The following TMEM232 variants were observed in gnomAD, a reference collection of about 807,000 sequenced individuals.
TMEM232 encodes transmembrane protein 232.
Under a neutral mutation model 78.8 loss-of-function variants are expected in TMEM232, and 80 were observed. The ratio of observed to expected loss-of-function variants is 1.01; its 90% CI spans 0.85 to 1.22. The LOEUF (loss-of-function observed/expected upper bound fraction) is 1.22. TMEM232 is among the 50% of genes most tolerant of loss of function. The pLI is 0.00. For synonymous variants in TMEM232, 297 were observed against 254.3 expected (o/e 1.17, Z -1.60); for missense variants, 881 against 742.2 (o/e 1.19, Z -2.17).
chr5:110,692,211 C>T (rs535121015), intron 1 of TMEM232, among the ~76,000 whole-genome samples: 1 of 152,308 alleles, frequency 6.6e-6, no homozygotes, highest in Admixed American at 6.5e-5. Context: ...TCAGCCACGA[C>T]GCCCGGCCAC....
intron 12 of TMEM232, among the ~76,000 whole-genome samples, chr5:110,461,476 G>A (rs1389207667): frequency 6.6e-6 from 1 of 152,168 alleles, no homozygotes; most frequent in Non-Finnish European, 1.5e-5. Context: ...AACAGTGCAA[G>A]GTGAAGCGGC....
In TMEM232 at chr5:110,618,509, A is replaced by G; in HGVS notation, c.822T>C (p.Cys274=). The G allele has an allele frequency of 6.4e-7, 1 of 1,551,802 alleles. No individual in the cohort carries two copies. The highest frequency in any genetic ancestry group is 8.7e-7 in the Non-Finnish European group (1 of 1,146,882). Residue 274 remains cysteine, a synonymous_variant, in exon 8 of 14, where the codon TGT becomes TGC. Transcript: ENST00000455884. ...TCAACTGAGGACTGTTATTCTGAAC[A>G]CAAGACCAAGCAGCAACACAGTGCC... is the stretch of plus-strand genomic sequence containing the variant. ...LLWHCVAAWS[C]VQNNSPQLNN... is the part of the protein sequence containing the mutation.
At chr5:110,487,514 T>G (rs1266456579) in intron 12 of TMEM232, among the ~76,000 whole-genome samples, 1 of 152,018 alleles carries the variant, frequency 6.6e-6, no homozygotes. Context: ...GAGTTTTCAT[T>G]GGAAAGCGAT....
chr5:110,434,761 C>A (rs1426712261), intron 12 of TMEM232, among the ~76,000 whole-genome samples: 3 of 152,134 alleles, frequency 2.0e-5, no homozygotes, highest in African/African-American at 7.2e-5. Context: ...TCGCCATGAT[C>A]AAGTGGGCTT....
chr5:110,500,098 C>T (rs1193891084), intron 12 of TMEM232, among the ~76,000 whole-genome samples: 2 of 151,842 alleles, frequency 1.3e-5, no homozygotes, highest in African/African-American at 4.8e-5. Context: ...TCAAGACCAG[C>T]CTGGCCGACT....
intron 10 of TMEM232, among the ~76,000 whole-genome samples, chr5:110,600,555 A>C (rs147820735): frequency 0.011 from 1,676 of 152,298 alleles, 32 homozygotes; most frequent in African/African-American, 0.038. Flanking sequence ...ATAAACTAGA[A>C]AACCTAGAAG....
At chr5:110,512,360 A>G (rs1027411243) in intron 12 of TMEM232, among the ~76,000 whole-genome samples, 1 of 152,224 alleles carries the variant, frequency 6.6e-6, no homozygotes, top group African/African-American at 2.4e-5. Flanking sequence ...CCAACATGCT[A>G]GAGTCACGAG....
At chr5:110,728,012 T>A (rs1798325372), upstream of TMEM232, among the ~76,000 whole-genome samples, 1 of 151,834 alleles carries the variant, frequency 6.6e-6, no homozygotes, top group South Asian at 2.1e-4. Flanking sequence ...GTTAAAAGCA[T>A]AAAAAAATAC....
chr5:110,687,376 C>T (rs1041090364), intron 1 of TMEM232, among the ~76,000 whole-genome samples: 2 of 151,962 alleles, frequency 1.3e-5, no homozygotes, highest in African/African-American at 4.8e-5. Context: ...CAAATCTGAC[C>T]CAAATAAACT....
At chr5:110,728,521 C>T (rs1263991102), upstream of TMEM232, among the ~76,000 whole-genome samples, 1 of 151,376 alleles carries the variant, frequency 6.6e-6, no homozygotes, top group Non-Finnish European at 1.5e-5. Flanking sequence ...ATTGGTATAA[C>T]CTTAGAGTCA....
chr5:110,725,113 T>C (rs973478085), intron 1 of TMEM232, among the ~76,000 whole-genome samples: 9 of 152,318 alleles, frequency 5.9e-5, no homozygotes, highest in Admixed American at 6.5e-5. Flanking sequence ...GTGTGATATA[T>C]AGTTTAGAAC....
chr5:110,462,674 A>G (rs1357574853), intron 12 of TMEM232, among the ~76,000 whole-genome samples: 1 of 152,194 alleles, frequency 6.6e-6, no homozygotes, highest in Non-Finnish European at 1.5e-5. Flanking sequence ...CAGCTTGCAG[A>G]CAGCCTATTG....
intron 1 of TMEM232, among the ~76,000 whole-genome samples, chr5:110,703,254 C>T (rs2150282680): frequency 6.6e-6 from 1 of 151,768 alleles, no homozygotes; most frequent in Non-Finnish European, 1.5e-5. Flanking sequence ...GTGCTACCTC[C>T]CAACAAAAGC....
chr5:110,737,330 A>T (rs1561591155), intron 1 of TMEM232, among the ~76,000 whole-genome samples: 1 of 152,114 alleles, frequency 6.6e-6, no homozygotes, highest in Non-Finnish European at 1.5e-5. Context: ...TTTTCCTATT[A>T]TGAGCAAGCA....
chr5:110,561,377 G>T (rs1271826396), intron 11 of TMEM232, among the ~76,000 whole-genome samples: 1 of 151,712 alleles, frequency 6.6e-6, no homozygotes, highest in Non-Finnish European at 1.5e-5. Context: ...ACCATAATGT[G>T]TGTGTGTGTG....
chr5:110,512,013 C>T (rs1767826076), intron 12 of TMEM232, among the ~76,000 whole-genome samples: 1 of 152,110 alleles, frequency 6.6e-6, no homozygotes. Flanking sequence ...CCTACCAGTA[C>T]ATGCCTTCAT....
intron 12 of TMEM232, among the ~76,000 whole-genome samples, chr5:110,443,822 C>A (rs1759331051): frequency 6.6e-6 from 1 of 152,138 alleles, no homozygotes; most frequent in African/African-American, 2.4e-5. Flanking sequence ...AGGACTGGGT[C>A]CTTCCTTTCA....
intron 1 of TMEM232, among the ~76,000 whole-genome samples, chr5:110,687,855 T>A (rs904284098): frequency 3.3e-5 from 5 of 152,088 alleles, no homozygotes; most frequent in African/African-American, 1.2e-4. Flanking sequence ...GGTACCACAC[T>A]TACATTAGAA....
At chr5:110,708,031 AG>A (rs1362420004) in intron 1 of TMEM232, among the ~76,000 whole-genome samples, 1 of 152,158 alleles carries the variant, frequency 6.6e-6, no homozygotes, top group Non-Finnish European at 1.5e-5. Context: ...TTACGCCATG[AG>A]CCTTGGGTGA....
Sources: gnomAD v4.1 joint callset for allele counts (sites outside exome capture counted in the v4.1 genomes callset) on GRCh38, gnomAD v4.1.1 for gene constraint, MANE v1.5 for transcripts, NCBI Gene and HGNC (gene_info 2026-07-23, HGNC 2026-07-21) for gene names.